RANBP2: variants seen among roughly 807,000 people sequenced by gnomAD.
The protein encoded by RANBP2 is RAN binding protein 2, also known as E3 SUMO-protein ligase RanBP2.
RANBP2 carries 57 observed loss-of-function variants against 303.6 expected under a neutral mutation model. That is an observed-to-expected ratio of 0.19 (90% CI 0.15 to 0.23). The LOEUF is 0.23. Ranked by LOEUF, RANBP2 falls within the 10% of genes least tolerant of loss-of-function variation. The pLI is 1.00. For synonymous variants in RANBP2, 1,167 were observed against 1,301.5 expected (o/e 0.90, Z 2.23); for missense variants, 3,138 against 3,780.8 (o/e 0.83, Z 4.46).
chr2:108,881,292 C>T, the RANBP2 span, among the ~76,000 whole-genome samples: 1 of 152,232 alleles, frequency 6.6e-6, no homozygotes, highest in Non-Finnish European at 1.5e-5. Flanking sequence ...GAACCAACCT[C>T]TGCTAGCTTC....
chr2:109,250,645 A>G, the RANBP2 span, among the ~76,000 whole-genome samples: 1 of 152,060 alleles, frequency 6.6e-6, no homozygotes, highest in African/African-American at 2.4e-5. Flanking sequence ...CTAAATTTAG[A>G]AAACTATTGA....
chr2:109,033,399 C>T, the RANBP2 span, among the ~76,000 whole-genome samples: 4 of 152,120 alleles, frequency 2.6e-5, no homozygotes, highest in African/African-American at 4.8e-5. Context: ...TAGGTCCTGC[C>T]GCTCCCTGCA....
chr2:109,606,969 A>T, the RANBP2 span, among the ~76,000 whole-genome samples: 6 of 152,168 alleles, frequency 3.9e-5, no homozygotes, highest in Admixed American at 1.3e-4. Flanking sequence ...TTCTTTCATG[A>T]ATAGTGAAGA....
the RANBP2 span, among the ~76,000 whole-genome samples, chr2:109,344,101 C>G: frequency 6.6e-6 from 1 of 152,268 alleles, no homozygotes. Context: ...TGACTCAGGA[C>G]TAACCTGAGT....
At chr2:109,699,357 C>T in the RANBP2 span, among the ~76,000 whole-genome samples, 1 of 152,090 alleles carries the variant, frequency 6.6e-6, no homozygotes, top group Non-Finnish European at 1.5e-5. Flanking sequence ...GGGGACTGAC[C>T]CCCACCCGCC....
the RANBP2 span, among the ~76,000 whole-genome samples, chr2:109,059,034 C>T: frequency 1.3e-5 from 2 of 151,958 alleles, no homozygotes; most frequent in Admixed American, 6.5e-5. Context: ...GAGAGAAGAT[C>T]GAGAGGAGAT....
At chr2:109,070,125 G>A in the RANBP2 span, among the ~76,000 whole-genome samples, 31 of 152,270 alleles carry the variant, frequency 2.0e-4, no homozygotes, top group African/African-American at 7.5e-4. Flanking sequence ...AAGGGTGTGA[G>A]GCAGGCATGA....
chr2:109,347,519 C>A, the RANBP2 span, among the ~76,000 whole-genome samples: 4 of 152,280 alleles, frequency 2.6e-5, no homozygotes, highest in Admixed American at 2.6e-4. Context: ...CTGTGACAGG[C>A]TGTTTCTTTA....
At chr2:109,015,529 G>T in the RANBP2 span, among the ~76,000 whole-genome samples, 1 of 152,146 alleles carries the variant, frequency 6.6e-6, no homozygotes, top group Non-Finnish European at 1.5e-5. Context: ...AGGCCGAGGT[G>T]GGTGGACAAT....
chr2:109,096,801 T>C, the RANBP2 span, among the ~76,000 whole-genome samples: 1 of 87,726 alleles, frequency 1.1e-5, no homozygotes, highest in African/African-American at 5.9e-5. Context: ...TTGGAAACGC[T>C]TTTTTTTTTT....
the RANBP2 span, among the ~76,000 whole-genome samples, chr2:109,122,090 C>T: frequency 1.3e-5 from 2 of 152,124 alleles, no homozygotes; most frequent in African/African-American, 4.8e-5. Flanking sequence ...AGAGAGGGAT[C>T]AAGTCAGGAT....
At chr2:109,302,266 C>G in the RANBP2 span, among the ~76,000 whole-genome samples, 1 of 134,574 alleles carries the variant, frequency 7.4e-6, no homozygotes, top group Non-Finnish European at 1.6e-5. Flanking sequence ...ATACCTGAAT[C>G]CTGGGGCATT....
chr2:108,763,537 G>A lies in RANBP2; in HGVS notation c.2998G>A (p.Glu1000Lys). 1 of 1,614,086 alleles carries A rather than the reference G, an allele frequency of 6.2e-7. No individual in the cohort carries two copies. Among genetic ancestry groups the A allele is most frequent in the Non-Finnish European group, 8.5e-7 (1 of 1,180,000 alleles). ...AAGATCTGCAGAATCTAAGACTATA[G>A]AATTTGGGAAAACTAATTTTGTTCA... ...ASRSAESKTIEFGKTNFVQPM... is the reference protein window; with the variant it reads ...ASRSAESKTIKFGKTNFVQPM... The change falls in exon 20 of 29, where the codon GAA becomes AAA. Residue 1000 changes from glutamate to lysine, a missense_variant. Physicochemically the swap from Glu to Lys is moderately conservative, Grantham distance 56. This residue lies in a region of RANBP2 where 403 missense variants were observed against 376.7 expected (regional missense o/e 1.07). Coordinates refer to ENST00000283195, the MANE Select transcript of RANBP2 (RefSeq NM_006267.5).
At chr2:109,200,938 C>T in the RANBP2 span, among the ~76,000 whole-genome samples, 1 of 152,174 alleles carries the variant, frequency 6.6e-6, no homozygotes, top group East Asian at 1.9e-4. Flanking sequence ...TAGTGCAGAC[C>T]TCGCAGTGGC....
the RANBP2 span, among the ~76,000 whole-genome samples, chr2:109,212,127 C>G: frequency 6.6e-6 from 1 of 152,166 alleles, no homozygotes; most frequent in South Asian, 2.1e-4. Context: ...GGCAATGGTC[C>G]GAATCGAGCC....
At chr2:109,192,414 G>A in the RANBP2 span, among the ~76,000 whole-genome samples, 1 of 152,326 alleles carries the variant, frequency 6.6e-6, no homozygotes, top group Admixed American at 6.5e-5. Context: ...ACTCATAGAA[G>A]ACATTAACTT....
chr2:109,286,694 CA>C, the RANBP2 span, among the ~76,000 whole-genome samples: 1 of 152,190 alleles, frequency 6.6e-6, no homozygotes, highest in Non-Finnish European at 1.5e-5. Flanking sequence ...CATCTGCTAG[CA>C]AAACCTGCTT....
chr2:108,979,669 C>A, the RANBP2 span, among the ~76,000 whole-genome samples: 39 of 152,092 alleles, frequency 2.6e-4, no homozygotes, highest in Non-Finnish European at 5.3e-4. Context: ...TCAGATTAAT[C>A]ATGAAGGATG....
At chr2:108,841,203 T>C in the RANBP2 span, among the ~76,000 whole-genome samples, 10 of 152,174 alleles carry the variant, frequency 6.6e-5, no homozygotes, top group African/African-American at 2.2e-4. Flanking sequence ...AGTTGTATTG[T>C]TGAGGTTGTT....
Sources: gnomAD v4.1 joint callset for allele counts (sites outside exome capture counted in the v4.1 genomes callset) on GRCh38, gnomAD v4.1.1 for gene constraint, gnomAD v4.1.1 regional missense constraint, MANE v1.5 for transcripts, NCBI Gene and HGNC (gene_info 2026-07-23, HGNC 2026-07-21) for gene names.